Variants in WWC1 observed in about 807,000 individuals in gnomAD.
The protein encoded by WWC1 is protein KIBRA.
Under a neutral mutation model 138.4 loss-of-function variants are expected in WWC1, and 55 were observed. The observed-to-expected ratio is 0.40, with a 90% confidence interval of 0.32 to 0.50. WWC1 has a LOEUF of 0.50. WWC1 is among the 20% of genes least tolerant of loss of function. The pLI is 0.72. For synonymous variants in WWC1, 524 were observed against 564.9 expected (o/e 0.93, Z 1.03); for missense variants, 1,226 against 1,420.4 (o/e 0.86, Z 2.20).
intron 3 of WWC1, among the ~76,000 whole-genome samples, chr5:168,397,464 C>G (rs1028409915): frequency 6.6e-6 from 1 of 152,114 alleles, no homozygotes; most frequent in Non-Finnish European, 1.5e-5. Context: ...TTATTCTTTA[C>G]ACTTTTTTTG....
At chr5:168,384,907 G>C (rs1408352321) in intron 2 of WWC1, among the ~76,000 whole-genome samples, 2 of 149,334 alleles carry the variant, frequency 1.3e-5, no homozygotes, top group Non-Finnish European at 2.9e-5. Flanking sequence ...AGTAGAGACG[G>C]AGTTTTACCA....
At chr5:168,314,779 G>T (rs539580726) in intron 1 of WWC1, among the ~76,000 whole-genome samples, 46 of 152,264 alleles carry the variant, frequency 3.0e-4, no homozygotes, top group African/African-American at 9.1e-4. Context: ...CCATTCACGG[G>T]CTGCAGAGAG....
chr5:168,365,226 G>A (rs373428096), intron 1 of WWC1, among the ~76,000 whole-genome samples: 14 of 152,154 alleles, frequency 9.2e-5, no homozygotes, highest in East Asian at 5.8e-4. Flanking sequence ...AGCCCAGGGC[G>A]GGAAGAACCA....
intron 11 of WWC1, among the ~76,000 whole-genome samples, chr5:168,425,033 G>T (rs1781396455): frequency 6.6e-6 from 1 of 152,170 alleles, no homozygotes; most frequent in East Asian, 1.9e-4. Context: ...TATGAGTTGG[G>T]TAATGTGCTT....
At chr5:168,412,479 T>C (rs1449332795) in intron 8 of WWC1, among the ~76,000 whole-genome samples, 1 of 152,150 alleles carries the variant, frequency 6.6e-6, no homozygotes, top group Non-Finnish European at 1.5e-5. Context: ...AAAGAGAAAG[T>C]ATATCCAGTA....
At position 168,464,872 on chromosome 5, in the gene WWC1, A is replaced by G. The variant is rs752159758; in HGVS notation, c.3060A>G (p.Glu1020=). Residue 1020 remains glutamate (E), a synonymous_variant, in exon 21 of 23, where the codon GAA becomes GAG. Coordinates refer to ENST00000265293, the MANE Select transcript of WWC1 (RefSeq NM_015238.3). ...SVLKELKEQL[E]QAKSHGEKEL... is the part of the protein sequence containing the mutation. ...TGAAGGAGCTCAAGGAGCAGCTGGA[A>G]CAAGCCAAGAGCCACGGGGAGAAGG... The G allele has an allele frequency of 2.5e-5, 41 of 1,614,086 alleles. No individual in the cohort carries two copies. Among genetic ancestry groups the G allele is most frequent in the Non-Finnish European group, 3.5e-5 (41 of 1,180,040 alleles).
At chr5:168,389,778 A>T (rs1778347915) in intron 3 of WWC1, among the ~76,000 whole-genome samples, 1 of 151,960 alleles carries the variant, frequency 6.6e-6, no homozygotes, top group Non-Finnish European at 1.5e-5. Flanking sequence ...CACCATTAAC[A>T]TTTCAGTCTG....
At chr5:168,397,199 A>T (rs1778968817) in intron 3 of WWC1, among the ~76,000 whole-genome samples, 1 of 149,490 alleles carries the variant, frequency 6.7e-6, no homozygotes, top group Non-Finnish European at 1.5e-5. Flanking sequence ...CTGGAATGTG[A>T]TGGCGCGATT....
intron 21 of WWC1, among the ~76,000 whole-genome samples, chr5:168,467,380 A>G (rs1003859374): frequency 1.3e-5 from 2 of 152,358 alleles, no homozygotes; most frequent in East Asian, 3.9e-4. Context: ...AAAAGTGTTT[A>G]CATACGTTTA....
chr5:168,411,149 A>C lies in WWC1; in HGVS notation c.941+1154A>C, dbSNP rs529677166. ...TCACCGTGTTAGCCAGGATGGTCTCAGTCTCCTGACCTTGTGATCCACCCA... is the reference window on the plus strand; with the variant it reads ...TCACCGTGTTAGCCAGGATGGTCTCCGTCTCCTGACCTTGTGATCCACCCA... On this transcript the variant is annotated intron_variant, in intron 8 of 22. Coordinates refer to ENST00000265293, the MANE Select transcript of WWC1 (RefSeq NM_015238.3). Among the ~76,000 whole-genome samples, 41 of 152,148 alleles carry C rather than the reference A, an allele frequency of 2.7e-4. No individual in the cohort carries two copies. The South Asian group carries it at 2.9e-3, about 11-fold the overall frequency.
At chr5:168,389,439 A>G (rs1438185643) in intron 3 of WWC1, among the ~76,000 whole-genome samples, 4 of 147,664 alleles carry the variant, frequency 2.7e-5, no homozygotes, top group African/African-American at 1.0e-4. Context: ...AGACAGAGCA[A>G]GACTCCATCT....
intron 2 of WWC1, among the ~76,000 whole-genome samples, chr5:168,382,630 T>A (rs1159888435): frequency 2.6e-5 from 4 of 152,170 alleles, no homozygotes; most frequent in African/African-American, 9.7e-5. Flanking sequence ...CAGCTGCTGA[T>A]GGGAGATGGG....
At chr5:168,404,550 C>T (rs11134510) in intron 5 of WWC1, among the ~76,000 whole-genome samples, 59,318 of 152,034 alleles carry the variant, frequency 0.39, 12,365 homozygotes, top group East Asian at 0.72. Context: ...GAGGCGCAGA[C>T]GATGAGGCCG....
chr5:168,423,595 G>T lies in WWC1; in HGVS notation c.1337G>T (p.Arg446Leu). 6.2e-7 allele frequency: 1 copy of T among 1,614,022 alleles called. No individual in the cohort carries two copies. Among genetic ancestry groups the T allele is most frequent in the South Asian group, 1.1e-5 (1 of 91,070 alleles). ...GSSPGSLTSS[R>L]GSLVASSLDS... ...AGCCCCGGATCCCTCACGTCCAGCC[G>T]GGGCTCCCTGGTTGCATCCAGCCTG... The change falls in exon 11 of 23, where the codon CGG (arginine) becomes CTG (leucine). Residue 446 changes from arginine to leucine, a missense_variant. Transcript: ENST00000265293.
At chr5:168,431,465 G>T (rs532825999) in intron 15 of WWC1, 21 bp downstream of exon 15, 1 of 308,730 alleles carries the variant, frequency 3.2e-6, no homozygotes, top group Non-Finnish European at 4.0e-6. Context: ...TGTCTGGCTG[G>T]CTGGCTGGCT....
Position 168,409,859 on chromosome 5 carries a change from G to A in WWC1, c.868-63G>A, listed in dbSNP as rs918235852. On this transcript the variant is annotated intron_variant, in intron 7 of 22. Transcript: ENST00000265293. ...GCTGTCAAGTCTCTCATGAGCCCTC[G>A]AAACCCAACTCAGCACCGGCCACAA... 1.0e-5 allele frequency: 16 copies of A among 1,577,496 alleles called. No individual in the cohort carries two copies. The African/African-American group carries it at 1.5e-4, about 15-fold the overall frequency.
At chr5:168,455,292 G>T (rs1330253538) in intron 18 of WWC1, 64 bp from the exon 19 acceptor site, 2 of 1,507,012 alleles carry the variant, frequency 1.3e-6, no homozygotes, top group Non-Finnish European at 1.8e-6. Context: ...CAGCTGAGTG[G>T]TCTCTGGTGG....
At chr5:168,380,738 C>A (rs1008800877) in intron 2 of WWC1, among the ~76,000 whole-genome samples, 1 of 152,120 alleles carries the variant, frequency 6.6e-6, no homozygotes, top group Non-Finnish European at 1.5e-5. Context: ...TCATAATAAT[C>A]CCTAACTGGA....
At chr5:168,342,163 T>C (rs1373824899) in intron 1 of WWC1, among the ~76,000 whole-genome samples, 1 of 152,184 alleles carries the variant, frequency 6.6e-6, no homozygotes, top group African/African-American at 2.4e-5. Flanking sequence ...TGAAAGACTT[T>C]CAGATACAGG....
Sources: gnomAD v4.1 joint callset for allele counts (sites outside exome capture counted in the v4.1 genomes callset) on GRCh38, gnomAD v4.1.1 for gene constraint, MANE v1.5 for transcripts, NCBI Gene and HGNC (gene_info 2026-07-23, HGNC 2026-07-21) for gene names.